Variants in SMYD3 observed in about 807,000 individuals in gnomAD.
The protein encoded by SMYD3 is SET and MYND domain containing 3, also known as histone-lysine N-methyltransferase SMYD3.
Under a neutral mutation model 57.7 loss-of-function variants are expected in SMYD3, and 36 were observed. That is an observed-to-expected ratio of 0.62 (90% CI 0.48 to 0.82). The LOEUF is 0.82. Ranked by LOEUF, SMYD3 falls within the 40% of genes least tolerant of loss-of-function variation. The pLI, the probability that SMYD3 is intolerant of heterozygous loss-of-function variation, is 0.00. For missense variants in SMYD3, 515 were observed against 538.8 expected (o/e 0.96, Z 0.44); for synonymous variants, 211 against 195.0 (o/e 1.08, Z -0.68).
chr1:246,325,297 T>TCGGGGGGCAGGAAGGAGGGAGAAGGAG (rs1558402300), intron 5 of SMYD3, among the ~76,000 whole-genome samples: 1 of 19,842 alleles, frequency 5.0e-5, no homozygotes, highest in Non-Finnish European at 8.9e-5. Flanking sequence ...GGAGAAGGAG[T>TCGGGGGGCAGGAAGGAGGGAGAAGGAG]TGGGGGGGCG....
chr1:246,211,048 C>T (rs1473330161), intron 5 of SMYD3, among the ~76,000 whole-genome samples: 1 of 152,102 alleles, frequency 6.6e-6, no homozygotes, highest in Non-Finnish European at 1.5e-5. Context: ...TGAGACACTG[C>T]TCCAAGGTAT....
At chr1:246,454,754 G>A (rs1426950420) in intron 1 of SMYD3, among the ~76,000 whole-genome samples, 1 of 152,084 alleles carries the variant, frequency 6.6e-6, no homozygotes, top group Non-Finnish European at 1.5e-5. Context: ...TGAGTCAAAA[G>A]GAAACACATA....
intron 10 of SMYD3, among the ~76,000 whole-genome samples, chr1:245,793,137 G>A (rs6675359): frequency 0.017 from 2,418 of 146,414 alleles, 59 homozygotes; most frequent in African/African-American, 0.054. Flanking sequence ...GTGAAACCCC[G>A]TCTCTACTAA....
At position 246,507,071 on chromosome 1, in the gene SMYD3, G is replaced by T; in HGVS notation, c.147C>A (p.Cys49Ter). The T allele has an allele frequency of 6.6e-7, 1 of 1,507,196 alleles. No homozygotes were observed. The highest frequency in any genetic ancestry group is 8.9e-7 in the Non-Finnish European group (1 of 1,126,938). 93.4% of individuals were successfully genotyped at this position (1,507,196 alleles called of 1,614,324 possible). ...TTACGCACCCGAGAAGGCAGCGGTC[G>T]CAGACGACGCCACGACTCCCCTTGC... ...TVCKGSRGVV[C>*]DRCLLGKEKL... Residue 49 changes from cysteine to a stop codon, truncating the protein, a stop_gained, in exon 1 of 12, where the codon TGC becomes TGA. Transcript: ENST00000490107. LOFTEE classifies it high-confidence loss of function.
intron 2 of SMYD3, among the ~76,000 whole-genome samples, chr1:246,347,818 A>G (rs1382020598): frequency 2.0e-5 from 3 of 152,064 alleles, no homozygotes; most frequent in Admixed American, 6.5e-5. Context: ...CTCTTCACTT[A>G]TACACTGATG....
At chr1:245,789,912 CATTT>C (rs1193939916) in intron 10 of SMYD3, among the ~76,000 whole-genome samples, 5 of 152,220 alleles carry the variant, frequency 3.3e-5, no homozygotes, top group African/African-American at 1.2e-4. Flanking sequence ...CCAGTTTGTT[CATTT>C]ATTTGTTCAT....
At chr1:246,250,188 A>G (rs1427984188) in intron 5 of SMYD3, among the ~76,000 whole-genome samples, 1 of 152,238 alleles carries the variant, frequency 6.6e-6, no homozygotes, top group African/African-American at 2.4e-5. Flanking sequence ...ACCTGGCAAC[A>G]CTATCTAATC....
At chr1:246,325,697 T>C (rs1248672723) in intron 5 of SMYD3, 2 of 152,182 alleles carry the variant, frequency 1.3e-5, no homozygotes, top group Admixed American at 1.3e-4. Context: ...ACAGAAAGTA[T>C]TTTAAAATAT....
chr1:245,873,252 CAT>C (rs2052315570), intron 8 of SMYD3, among the ~76,000 whole-genome samples: 1 of 152,172 alleles, frequency 6.6e-6, no homozygotes, highest in Non-Finnish European at 1.5e-5. Context: ...GATGTAATAA[CAT>C]ATAATGGGGA....
intron 8 of SMYD3, among the ~76,000 whole-genome samples, chr1:245,905,892 G>A (rs2054529608): frequency 6.6e-6 from 1 of 152,182 alleles, no homozygotes; most frequent in African/African-American, 2.4e-5. Context: ...CAAGAACATA[G>A]AAAAGACAGT....
intron 1 of SMYD3, among the ~76,000 whole-genome samples, chr1:246,377,098 A>C (rs1242644707): frequency 1.3e-5 from 2 of 149,274 alleles, no homozygotes; most frequent in African/African-American, 5.1e-5. Flanking sequence ...TTTGTCTCAA[A>C]ATAATAATAA....
rs751593309 is a variant in SMYD3, at chr1:246,330,504, A to G, written c.370T>C (p.Tyr124His). ...CTTGACTCCAGATCATAAAATGAGT[A>G]AAGCTTCTCTGATTCTGAAGGTGCT... ...DGAPSESEKL[Y>H]SFYDLESNIN... Residue 124 changes from tyrosine to histidine, a missense_variant, in exon 4 of 12, where the codon TAC becomes CAC. Physicochemically the swap from Tyr to His is moderately conservative, Grantham distance 83. Coordinates refer to ENST00000490107, the MANE Select transcript of SMYD3 (RefSeq NM_001167740.2). The G allele has an allele frequency of 1.9e-6, 3 of 1,594,792 alleles. No homozygotes were observed. Among genetic ancestry groups the G allele is most frequent in the Admixed American group, 1.7e-5 (1 of 57,386 alleles).
At chr1:246,378,804 T>TATTATATATATTTATATAGTATATATA (rs2066334020) in intron 1 of SMYD3, among the ~76,000 whole-genome samples, 1 of 111,494 alleles carries the variant, frequency 9.0e-6, no homozygotes, top group African/African-American at 3.8e-5. Flanking sequence ...TATTTTTATA[T>TATTATATATATTTATATAGTATATATA]ATTATATATA....
intron 10 of SMYD3, among the ~76,000 whole-genome samples, chr1:245,781,234 G>T (rs949955726): frequency 2.6e-5 from 4 of 152,166 alleles, no homozygotes; most frequent in Admixed American, 1.3e-4. Flanking sequence ...TGAATTTTAT[G>T]ATATGTAAAT....
chr1:246,438,811 T>A (rs1203156124), intron 1 of SMYD3, among the ~76,000 whole-genome samples: 1 of 151,366 alleles, frequency 6.6e-6, no homozygotes, highest in African/African-American at 2.4e-5. Context: ...ACTTTGATTC[T>A]CATACTGTGA....
chr1:246,214,854 C>T (rs1425374000), intron 5 of SMYD3, among the ~76,000 whole-genome samples: 1 of 152,092 alleles, frequency 6.6e-6, no homozygotes, highest in Non-Finnish European at 1.5e-5. Context: ...ACTTGCTGAG[C>T]CCCAAAATTA....
intron 5 of SMYD3, among the ~76,000 whole-genome samples, chr1:245,931,105 C>T (rs2056690171): frequency 6.6e-6 from 1 of 152,194 alleles, no homozygotes; most frequent in Non-Finnish European, 1.5e-5. Flanking sequence ...TCACTTACGG[C>T]CCTACTGCCA....
chr1:245,749,589 AT>A lies in SMYD3; in HGVS notation c.1260del (p.Glu420AspfsTer36), dbSNP rs1267217802. On this transcript the variant is annotated frameshift_variant, in exon 12 of 12. Transcript: ENST00000490107. LOFTEE classifies it high-confidence loss of function. ...TAGGATGCTCTGATGTTGGCGTCGC[AT>A]TCTTCTAAAAGTAGAATCAAATCTT... Reference protein sequence around the residue: ...LIEDLILLLEECDANIRAS With the variant: ...LIEDLILLLEXCDANIRAS 137 of 1,614,066 alleles carry A rather than the reference AT, an allele frequency of 8.5e-5. No individual in the cohort carries two copies. Among genetic ancestry groups the A allele is most frequent in the Non-Finnish European group, 1.2e-4 (137 of 1,180,028 alleles).
At chr1:245,945,305 A>T (rs1297963038) in intron 5 of SMYD3, among the ~76,000 whole-genome samples, 1 of 152,108 alleles carries the variant, frequency 6.6e-6, no homozygotes, top group African/African-American at 2.4e-5. Context: ...CAGCCCCATT[A>T]AAAAAATGGG....
Sources: allele counts gnomAD v4.1 joint callset (sites outside exome capture counted in the v4.1 genomes callset), GRCh38; gene constraint gnomAD v4.1.1; transcripts MANE v1.5; gene names NCBI Gene and HGNC (gene_info 2026-07-23, HGNC 2026-07-21).